The following BTBD16 variants were observed in gnomAD, a reference collection of about 807,000 sequenced individuals.
BTBD16 encodes the protein BTB/POZ domain-containing protein 16.
Under a neutral mutation model 67.4 loss-of-function variants are expected in BTBD16, and 66 were observed. The ratio of observed to expected loss-of-function variants is 0.98; its 90% confidence interval spans 0.80 to 1.20. The LOEUF is 1.20. Ranked by LOEUF, BTBD16 falls within the 50% of genes most tolerant of loss-of-function variation. The pLI is 0.00. For missense variants in BTBD16, 634 were observed against 616.0 expected (o/e 1.03, Z -0.31); for synonymous variants, 242 against 236.4 (o/e 1.02, Z -0.22).
intron 4 of BTBD16, among the ~76,000 whole-genome samples, chr10:122,284,388 G>A (rs564297500): frequency 2.0e-5 from 3 of 152,110 alleles, no homozygotes; most frequent in Admixed American, 6.5e-5. Flanking sequence ...GGAGGAGGTT[G>A]CAGTGAGCCA....
intron 10 of BTBD16, among the ~76,000 whole-genome samples, chr10:122,312,278 T>A (rs141138741): frequency 3.5e-4 from 53 of 151,856 alleles, no homozygotes; most frequent in Admixed American, 2.0e-3. Context: ...ACACTAGGTA[T>A]CTTCAGTCTT....
chr10:122,276,127 T>C (rs1295553007), intron 2 of BTBD16, among the ~76,000 whole-genome samples: 4 of 152,220 alleles, frequency 2.6e-5, no homozygotes, highest in Non-Finnish European at 5.9e-5. Context: ...TCCACTTGTA[T>C]GCAATACCCA....
At chr10:122,305,966 T>C (rs2096403033) in intron 9 of BTBD16, among the ~76,000 whole-genome samples, 1 of 152,234 alleles carries the variant, frequency 6.6e-6, no homozygotes, top group African/African-American at 2.4e-5. Flanking sequence ...ATATGTACCA[T>C]GGTTTCTTTA....
intron 10 of BTBD16, among the ~76,000 whole-genome samples, chr10:122,320,295 T>C (rs923410183): frequency 1.3e-5 from 2 of 152,140 alleles, no homozygotes; most frequent in Admixed American, 6.5e-5. Flanking sequence ...GGAAATAATT[T>C]AATCTTTCAT....
chr10:122,297,404 G>T (rs1052880112), intron 7 of BTBD16, among the ~76,000 whole-genome samples: 2 of 152,184 alleles, frequency 1.3e-5, no homozygotes, highest in Non-Finnish European at 2.9e-5. Context: ...GCACCATAAG[G>T]GTCTGTACAG....
chr10:122,285,874 G>A (rs1390488962), intron 4 of BTBD16, among the ~76,000 whole-genome samples: 2 of 152,124 alleles, frequency 1.3e-5, no homozygotes, highest in African/African-American at 2.4e-5. Context: ...TCCTGGACAC[G>A]TGACATGTCC....
intron 3 of BTBD16, 78 bp downstream of exon 3, chr10:122,277,017 C>G: frequency 6.6e-7 from 1 of 1,516,440 alleles, no homozygotes; most frequent in Non-Finnish European, 8.9e-7. Flanking sequence ...CCGGGCCACT[C>G]TGATTGGCTG....
intron 9 of BTBD16, among the ~76,000 whole-genome samples, chr10:122,304,645 C>T (rs2096400194): frequency 1.3e-5 from 2 of 150,834 alleles, no homozygotes; most frequent in Non-Finnish European, 2.9e-5. Flanking sequence ...AGCTCTGCCT[C>T]CCAGGTTCAC....
At chr10:122,289,045 C>G (rs2096369018) in intron 5 of BTBD16, among the ~76,000 whole-genome samples, 1 of 152,140 alleles carries the variant, frequency 6.6e-6, no homozygotes, top group Non-Finnish European at 1.5e-5. Context: ...AATTGGGCTA[C>G]CTTTTCCCTT....
chr10:122,321,003 C>T (rs554633988), intron 10 of BTBD16, among the ~76,000 whole-genome samples: 2 of 152,104 alleles, frequency 1.3e-5, no homozygotes, highest in Non-Finnish European at 2.9e-5. Flanking sequence ...CCTTTGTCTC[C>T]CTCCCTCCCC....
chr10:122,324,840 C>G (rs1342005051), intron 10 of BTBD16, among the ~76,000 whole-genome samples: 1 of 152,154 alleles, frequency 6.6e-6, no homozygotes, highest in Non-Finnish European at 1.5e-5. Context: ...TTCTTGGCTT[C>G]CCAGGCATAT....
chr10:122,329,899 A>T (rs1350741975), intron 11 of BTBD16, among the ~76,000 whole-genome samples: 1 of 152,186 alleles, frequency 6.6e-6, no homozygotes, highest in Non-Finnish European at 1.5e-5. Context: ...CTTCACTTCT[A>T]GGCCCCTTGT....
intron 1 of BTBD16, among the ~76,000 whole-genome samples, chr10:122,272,288 A>G (rs2142035764): frequency 6.6e-6 from 1 of 152,216 alleles, no homozygotes; most frequent in Non-Finnish European, 1.5e-5. Context: ...TGAAGACACC[A>G]GCAGCTGGGT....
chr10:122,307,648 T>C (rs1353689357), intron 10 of BTBD16, among the ~76,000 whole-genome samples: 1 of 151,984 alleles, frequency 6.6e-6, no homozygotes, highest in Non-Finnish European at 1.5e-5. Context: ...AAAATCAGCT[T>C]TCTTAGGTTG....
chr10:122,284,278 G>T lies in BTBD16; in HGVS notation c.241+354G>T, dbSNP rs533780243. ...AGCCTCGCCAACATGGTGAAACCCC[G>T]TCTCTACTAAAAATACAAAAACTAG... On this transcript the variant is annotated intron_variant, in intron 4 of 15. Coordinates refer to ENST00000260723, the MANE Select transcript of BTBD16 (RefSeq NM_144587.5). 2.6e-5 allele frequency among the ~76,000 whole-genome samples: 4 copies of T among 151,944 alleles called. No individual in the cohort carries two copies. In the South Asian group the frequency reaches 6.2e-4, roughly 24 times the overall value.
At position 122,336,654 on chromosome 10, in the gene BTBD16, G is replaced by A. The variant is rs765744030; in HGVS notation, c.1424G>A (p.Gly475Glu). ...ACAAACCAGATCAAGCAGAAGTTTG[G>A]GTTGACCACGTCATCCTGCAAAAGC... ...FRTNQIKQKFGLTTSSCKSHT... is the reference protein window; with the variant it reads ...FRTNQIKQKFELTTSSCKSHT... The change falls in exon 15 of 16, where the codon GGG (glycine) becomes GAG (glutamate). Residue 475 changes from glycine to glutamate, a missense_variant. By Grantham distance (98) the Gly-to-Glu change is moderately conservative. Coordinates refer to ENST00000260723, the MANE Select transcript of BTBD16 (RefSeq NM_144587.5). 3.1e-6 allele frequency: 5 copies of A among 1,592,350 alleles called. No homozygotes were observed. In the South Asian group the frequency reaches 4.6e-5, roughly 15 times the overall value.
intron 10 of BTBD16, among the ~76,000 whole-genome samples, chr10:122,314,301 A>G (rs562901922): frequency 1.3e-5 from 2 of 152,132 alleles, no homozygotes; most frequent in Non-Finnish European, 2.9e-5. Context: ...GCCAGGAGTT[A>G]GAGACCAGCC....
intron 10 of BTBD16, among the ~76,000 whole-genome samples, chr10:122,319,841 G>C (rs1409952440): frequency 6.6e-6 from 1 of 152,062 alleles, no homozygotes; most frequent in Non-Finnish European, 1.5e-5. Flanking sequence ...TGAGTCTTCT[G>C]ATCCATGAAT....
At chr10:122,312,403 C>T (rs912988551) in intron 10 of BTBD16, among the ~76,000 whole-genome samples, 2 of 149,192 alleles carry the variant, frequency 1.3e-5, no homozygotes, top group African/African-American at 5.0e-5. Context: ...ACCTCCACCT[C>T]CCGGGTTCAA....
Sources: allele counts gnomAD v4.1 joint callset (sites outside exome capture counted in the v4.1 genomes callset), GRCh38; gene constraint gnomAD v4.1.1; transcripts MANE v1.5; gene names NCBI Gene and HGNC (gene_info 2026-07-23, HGNC 2026-07-21).